The following PRMT8 variants were observed in gnomAD, a reference collection of about 807,000 sequenced individuals.
The protein encoded by PRMT8 is protein arginine methyltransferase 8.
PRMT8 carries 7 observed loss-of-function variants against 47.1 expected under a neutral mutation model. The ratio of observed to expected loss-of-function variants is 0.15; its 90% CI spans 0.08 to 0.28. PRMT8 has a LOEUF of 0.28. PRMT8 is among the 10% of genes least tolerant of loss of function. PRMT8 has a pLI of 1.00. For synonymous variants in PRMT8, 188 were observed against 186.5 expected (o/e 1.01, Z -0.07); for missense variants, 237 against 505.4 (o/e 0.47, Z 5.09).
At chr12:3,490,675 A>AAGAGAGAGAGAGAG (rs370069857), upstream of PRMT8, among the ~76,000 whole-genome samples, 2,343 of 120,908 alleles carry the variant, frequency 0.019, 57 homozygotes, top group Admixed American at 0.025. Context: ...TTTGGGTACA[A>AAGAGAGAGAGAGAG]AGAGAGAGAG....
At chr12:3,547,393 A>G (rs1866343301) in intron 2 of PRMT8, among the ~76,000 whole-genome samples, 1 of 152,232 alleles carries the variant, frequency 6.6e-6, no homozygotes, top group Non-Finnish European at 1.5e-5. Context: ...ATATGTGAAG[A>G]GAGAAAGGCT....
At chr12:3,568,049 G>C (rs1866757706) in intron 4 of PRMT8, among the ~76,000 whole-genome samples, 1 of 147,756 alleles carries the variant, frequency 6.8e-6, no homozygotes, top group Non-Finnish European at 1.5e-5. Context: ...TCCAGCCTGG[G>C]CAACAAGAGT....
At position 3,540,624 on chromosome 12, in the gene PRMT8, CA is replaced by C; in HGVS notation, c.95del (p.Gln32ArgfsTer34). The C allele has an allele frequency of 1.6e-6, 2 of 1,289,500 alleles. No individual in the cohort carries two copies. Among genetic ancestry groups the C allele is most frequent in the Non-Finnish European group, 2.2e-6 (2 of 903,880 alleles). The allele number at this position is 1,289,500 out of a possible 1,614,324, so 79.9% of individuals were successfully genotyped here. On this transcript the variant is annotated frameshift_variant, in exon 2 of 10. Transcript: ENST00000382622. LOFTEE classifies it high-confidence loss of function. ...ESTEVNSPPS[Q>X]PPQPVVPAKP... ...CCCTCAGGTGAACAGCCCCCCCTCC[CA>C]GCCCCCCCAGCCCGTCGTCCCTGCT...
chr12:3,590,407 G>A (rs1294822105), intron 8 of PRMT8, among the ~76,000 whole-genome samples: 1 of 152,190 alleles, frequency 6.6e-6, no homozygotes, highest in Admixed American at 6.5e-5. Flanking sequence ...TTGGCGCTGT[G>A]TGAACACCTG....
Position 3,491,380 on chromosome 12 carries a change from CG to C in PRMT8, c.-241del. The C allele has an allele frequency of 1.7e-6, 2 of 1,196,306 alleles. No individual in the cohort carries two copies. Among genetic ancestry groups the C allele is most frequent in the African/African-American group, 1.6e-5 (1 of 63,614 alleles). 74.1% of individuals were successfully genotyped at this position (1,196,306 alleles called of 1,614,324 possible). A position where few individuals can be genotyped will look rare whatever the true frequency, so the allele number is the denominator to read the frequency against. On this transcript the variant is annotated 5_prime_UTR_variant, in exon 1 of 10. Coordinates refer to ENST00000382622, the MANE Select transcript of PRMT8 (RefSeq NM_019854.5). ...GGGTGGAGAGGGGCGGGGAGGGGGT[CG>C]GGGGCACGAGAAGAACTTGAAACCG... is the stretch of plus-strand genomic sequence containing the variant.
At chr12:3,568,998 G>GATAACAGACATCCGTTC in intron 5 of PRMT8, 150 bp downstream of exon 5, 2 of 1,115,802 alleles carry the variant, frequency 1.8e-6, no homozygotes, top group Non-Finnish European at 2.5e-6. Context: ...GAGCAGATCT[G>GATAACAGACATCCGTTC]TATCAGGGAA....
intron 1 of PRMT8, among the ~76,000 whole-genome samples, chr12:3,393,021 T>A (rs1864210492): frequency 6.6e-6 from 1 of 152,232 alleles, no homozygotes; most frequent in Non-Finnish European, 1.5e-5. Context: ...TTTTGAGAAG[T>A]GTCTGTTCAT....
chr12:3,551,076 A>ACCCCCCCCCCCCCCCCCCCCC (rs3837513), intron 3 of PRMT8: 9 of 137,108 alleles, frequency 6.6e-5, no homozygotes, highest in South Asian at 2.4e-4. Flanking sequence ...AGCCCTGGGG[A>ACCCCCCCCCCCCCCCCCCCCC]CCCCCCCCCG....
chr12:3,392,204 AT>A (rs1275795970), intron 1 of PRMT8, among the ~76,000 whole-genome samples: 2 of 151,858 alleles, frequency 1.3e-5, no homozygotes, highest in African/African-American at 4.8e-5. Flanking sequence ...TTTTATTTTT[AT>A]TTTTTTAAAT....
intron 1 of PRMT8, among the ~76,000 whole-genome samples, chr12:3,383,005 A>C (rs1864107247): frequency 6.6e-6 from 1 of 152,212 alleles, no homozygotes; most frequent in Admixed American, 6.5e-5. Flanking sequence ...TTTCCAAAAA[A>C]TCACTTATGC....
At chr12:3,462,105 C>T (rs1214735601) in intron 1 of PRMT8, among the ~76,000 whole-genome samples, 2 of 151,996 alleles carry the variant, frequency 1.3e-5, no homozygotes, top group Admixed American at 1.3e-4. Context: ...CATGTGTTCT[C>T]ATCATTTAGT....
chr12:3,390,029 T>G (rs1298277385), intron 1 of PRMT8, among the ~76,000 whole-genome samples: 1 of 152,266 alleles, frequency 6.6e-6, no homozygotes, highest in Non-Finnish European at 1.5e-5. Flanking sequence ...CCTCCAAGGC[T>G]GCCCAGTGTC....
chr12:3,417,309 A>T (rs559440348), intron 1 of PRMT8, among the ~76,000 whole-genome samples: 6 of 152,326 alleles, frequency 3.9e-5, no homozygotes, highest in Admixed American at 6.5e-5. Context: ...GAGAGAACAA[A>T]TCTTGCCTTC....
intron 1 of PRMT8, among the ~76,000 whole-genome samples, chr12:3,522,628 A>C (rs1426249651): frequency 3.4e-5 from 5 of 144,978 alleles, no homozygotes; most frequent in Middle Eastern, 6.7e-3. Flanking sequence ...GCACCACTGC[A>C]CTCCAGCCTG....
At chr12:3,381,698 A>G (rs1187124935) in intron 1 of PRMT8, among the ~76,000 whole-genome samples, 2 of 152,190 alleles carry the variant, frequency 1.3e-5, no homozygotes, top group Non-Finnish European at 2.9e-5. Context: ...TTGCAGGTGT[A>G]AGAAATAATT....
intron 1 of PRMT8, among the ~76,000 whole-genome samples, chr12:3,432,961 T>A (rs2137069373): frequency 6.6e-6 from 1 of 152,296 alleles, no homozygotes; most frequent in Non-Finnish European, 1.5e-5. Flanking sequence ...TAGATTTCTC[T>A]GGGACACAGA....
chr12:3,552,901 C>A lies in PRMT8; in HGVS notation c.418-750C>A. 2.6e-6 allele frequency: 1 copy of A among 384,414 alleles called. No individual in the cohort carries two copies. Among genetic ancestry groups the A allele is most frequent in the Non-Finnish European group, 5.2e-6 (1 of 190,888 alleles). 23.8% of individuals were successfully genotyped at this position (384,414 alleles called of 1,614,324 possible). A position where few individuals can be genotyped will look rare whatever the true frequency, so the allele number is the denominator to read the frequency against. On this transcript the variant is annotated intron_variant, in intron 3 of 9. Coordinates refer to ENST00000382622, the MANE Select transcript of PRMT8 (RefSeq NM_019854.5). The surrounding 1 kb of genome is among the most constrained non-coding windows in gnomAD (Gnocchi z 4.5). ...AGAGAGCCGGCTCCGGAGGTGAGGA[C>A]GGCTCTTGGCAGCTGCCCCTCCATG...
rs1460007334 is a variant in PRMT8 at position 3,405,518 on chromosome 12, C to A, written c.48+24076C>A. 7.2e-5 allele frequency among the ~76,000 whole-genome samples: 11 copies of A among 152,308 alleles called. No homozygotes were observed. In the East Asian group the frequency reaches 1.7e-3, roughly 24 times the overall value. On this transcript the variant is annotated intron_variant, in intron 1 of 9. Coordinates refer to the PRMT8 transcript ENST00000452611. ...TCCAAATCCAAAGTCTCATCTGAGA[C>A]AAGGCAAGTCCCTTTCGCCTATAAA... is the stretch of plus-strand genomic sequence containing the variant.
chr12:3,389,879 G>T (rs895497163), intron 1 of PRMT8, among the ~76,000 whole-genome samples: 1 of 152,238 alleles, frequency 6.6e-6, no homozygotes, highest in Non-Finnish European at 1.5e-5. Flanking sequence ...TGATGAGTTT[G>T]GGGGGATTCT....
Sources: gnomAD v4.1 joint callset for allele counts (sites outside exome capture counted in the v4.1 genomes callset) on GRCh38, gnomAD v4.1.1 for gene constraint, Gnocchi (gnomAD v3.1) non-coding constraint, MANE v1.5 for transcripts, NCBI Gene and HGNC (gene_info 2026-07-23, HGNC 2026-07-21) for gene names.